PTPN22: variants seen among roughly 807,000 people sequenced by gnomAD.
PTPN22 encodes protein tyrosine phosphatase non-receptor type 22.
PTPN22 carries 85 observed loss-of-function variants against 103.3 expected under a neutral mutation model. That is an observed-to-expected ratio of 0.82 (90% CI 0.69 to 0.99). The LOEUF (loss-of-function observed/expected upper bound fraction) is 0.99. Among genes scored for constraint, PTPN22 ranks in the 50% least tolerant of loss-of-function variants. The pLI is 0.00. For synonymous variants in PTPN22, 323 were observed against 310.2 expected (o/e 1.04, Z -0.43); for missense variants, 865 against 936.9 (o/e 0.92, Z 1.00).
At chr1:113,856,706 G>A in intron 5 of PTPN22, 87 bp from the exon 6 acceptor site, 1 of 1,579,870 alleles carries the variant, frequency 6.3e-7, no homozygotes, top group Non-Finnish European at 8.6e-7. Context: ...TCAGCTCTAT[G>A]TCCTTCACCT....
chr1:113,815,638 GTGACTTTA>G (rs1428956534), intron 20 of PTPN22, among the ~76,000 whole-genome samples: 2 of 152,120 alleles, frequency 1.3e-5, no homozygotes, highest in Admixed American at 6.6e-5. Context: ...TCAGCAACAT[GTGACTTTA>G]TGACTTTTCT....
chr1:113,835,112 A>G, intron 13 of PTPN22, 119 bp from the exon 14 acceptor site: 1 of 554,196 alleles, frequency 1.8e-6, no homozygotes. Context: ...CCGTTGAAGC[A>G]ACATTATCAG....
intron 9 of PTPN22, among the ~76,000 whole-genome samples, chr1:113,852,935 TTTTTG>T (rs1424139846): frequency 5.9e-5 from 9 of 152,144 alleles, no homozygotes; most frequent in African/African-American, 1.9e-4. Context: ...TGATTTTTGC[TTTTTG>T]TTTTGTTTTG....
intron 11 of PTPN22, among the ~76,000 whole-genome samples, chr1:113,841,238 A>T (rs868758284): frequency 6.6e-6 from 1 of 152,140 alleles, no homozygotes; most frequent in South Asian, 2.1e-4. Flanking sequence ...GGAAAAAAAA[A>T]AAGAGAGAGA....
intron 1 of PTPN22, among the ~76,000 whole-genome samples, chr1:113,866,370 G>T (rs1298985802): frequency 6.6e-6 from 1 of 152,054 alleles, no homozygotes; most frequent in Non-Finnish European, 1.5e-5. Context: ...AATTAGCTGG[G>T]TGTGGTGGCA....
At chr1:113,865,633 T>A (rs1450642862) in intron 1 of PTPN22, among the ~76,000 whole-genome samples, 1 of 152,210 alleles carries the variant, frequency 6.6e-6, no homozygotes, top group African/African-American at 2.4e-5. Flanking sequence ...TGGAAATACA[T>A]TTGGTAATAC....
In PTPN22 at chr1:113,822,646, G is replaced by A. The variant is rs185560933; in HGVS notation, c.2281+2496C>T. ...GGCTGGCTGCTCCTTCATGTTTTGG[G>A]TTCAGTTGTCACTTCCTTAAAAAGG... is the stretch of plus-strand genomic sequence containing the variant. On this transcript the variant is annotated intron_variant, in intron 19 of 20. Coordinates refer to ENST00000359785, the Ensembl canonical transcript of PTPN22. Among the ~76,000 whole-genome samples, 405 of 152,048 alleles carry A rather than the reference G, an allele frequency of 2.7e-3. 4 individuals carry two copies. Among genetic ancestry groups the A allele is most frequent in the African/African-American group, 9.0e-3 (372 of 41,468 alleles).
At chr1:113,840,495 G>A (rs1300380139) in intron 11 of PTPN22, among the ~76,000 whole-genome samples, 2 of 152,154 alleles carry the variant, frequency 1.3e-5, no homozygotes, top group Non-Finnish European at 2.9e-5. Flanking sequence ...CAAAAGACTT[G>A]TATACTGAAA....
intron 9 of PTPN22, among the ~76,000 whole-genome samples, chr1:113,853,036 T>G (rs1348183498): frequency 6.6e-6 from 1 of 152,188 alleles, no homozygotes; most frequent in Non-Finnish European, 1.5e-5. Flanking sequence ...TCTCCCGGGT[T>G]CAAGCGATTC....
intron 4 of PTPN22, chr1:113,858,100 C>T (rs887052098): frequency 1.5e-5 from 3 of 199,630 alleles, no homozygotes; most frequent in African/African-American, 7.0e-5. Context: ...TTCTGTCACC[C>T]AGGCTGGAGT....
chr1:113,856,428 C>CT lies in PTPN22; in HGVS notation c.493dup (p.Arg165LysfsTer4). On this transcript the variant is annotated frameshift_variant, in exon 7 of 21. Coordinates refer to ENST00000359785, the Ensembl canonical transcript of PTPN22. LOFTEE classifies it high-confidence loss of function. Reference sequence around the variant, plus strand: ...AGTCCTGATTATATAATCAGATTTCCTTTTTTCAGCTTCCTAAAAAGAAAA... The same window carrying CT: ...AGTCCTGATTATATAATCAGATTTCCTTTTTTTCAGCTTCCTAAAAAGAAAA... 1 of 1,597,282 alleles carries CT rather than the reference C, an allele frequency of 6.3e-7. No homozygotes were observed. The highest frequency in any genetic ancestry group is 8.5e-7 in the Non-Finnish European group (1 of 1,170,848).
chr1:113,819,732 G>A, intron 19 of PTPN22, 78 bp from the exon 20 acceptor site: 1 of 886,440 alleles, frequency 1.1e-6, no homozygotes, highest in African/African-American at 1.7e-5. Flanking sequence ...ACATATAATT[G>A]TTAAGAGTAA....
intron 11 of PTPN22, among the ~76,000 whole-genome samples, chr1:113,842,566 T>C (rs1004101817): frequency 2.0e-5 from 3 of 151,860 alleles, no homozygotes; most frequent in African/African-American, 7.3e-5. Flanking sequence ...CCCAGCTACT[T>C]GGGAGGCTGA....
intron 5 of PTPN22, 113 bp from the exon 6 acceptor site, chr1:113,856,732 T>A: frequency 1.1e-5 from 16 of 1,427,602 alleles, no homozygotes; most frequent in Non-Finnish European, 1.5e-5. Context: ...TAGGTGCGTC[T>A]AACCCCTTTG....
chr1:113,820,553 G>A (rs923446138), intron 19 of PTPN22, among the ~76,000 whole-genome samples: 1 of 152,042 alleles, frequency 6.6e-6, no homozygotes, highest in Non-Finnish European at 1.5e-5. Context: ...TTACTTATAG[G>A]TATAAGTTAA....
intron 16 of PTPN22, among the ~76,000 whole-genome samples, chr1:113,831,499 G>C (rs1312655571): frequency 1.3e-5 from 2 of 151,816 alleles, no homozygotes; most frequent in Non-Finnish European, 2.9e-5. Flanking sequence ...AAGTCCTTCA[G>C]AATCTTGCCC....
rs1661031364 is a variant in PTPN22 at position 113,814,769 on chromosome 1, T to C, written c.*136A>G. 9.8e-6 allele frequency: 7 copies of C among 717,472 alleles called. No homozygotes were observed. In the East Asian group the frequency reaches 1.9e-4, roughly 20 times the overall value. The allele number at this position is 717,472 out of a possible 1,614,324, so 44.4% of individuals were successfully genotyped here. On this transcript the variant is annotated 3_prime_UTR_variant, in exon 21 of 21. Coordinates refer to ENST00000359785, the Ensembl canonical transcript of PTPN22. ...ACTTATTGGCATTTTGCTTTTCTTT[T>C]AAAAGCTATTAACACATTAGCATAT...
intron 7 of PTPN22, among the ~76,000 whole-genome samples, chr1:113,856,004 A>G (rs1665029283): frequency 6.6e-6 from 1 of 152,016 alleles, no homozygotes; most frequent in African/African-American, 2.4e-5. Flanking sequence ...TATTATAACA[A>G]TGGTCTCTTC....
chr1:113,834,326 T>A, exon 15 of PTPN22: 1 of 1,614,022 alleles, frequency 6.2e-7, no homozygotes, highest in Non-Finnish European at 8.5e-7. Context: ...GGTCTAAGTA[T>A]CACAGAGTCA....
Sources: allele counts gnomAD v4.1 joint callset (sites outside exome capture counted in the v4.1 genomes callset), GRCh38; gene constraint gnomAD v4.1.1; transcripts MANE v1.5; gene names NCBI Gene and HGNC (gene_info 2026-07-23, HGNC 2026-07-21).